Variants in FER observed in about 807,000 individuals in gnomAD.
FER encodes the protein FER tyrosine kinase.
FER carries 63 observed loss-of-function variants against 111.0 expected under a neutral mutation model. That is an observed-to-expected ratio of 0.57 (90% confidence interval 0.46 to 0.70). The LOEUF (loss-of-function observed/expected upper bound fraction) is 0.70, where lower values mean the gene tolerates loss of function less well. Among genes scored for constraint, FER ranks in the 30% least tolerant of loss-of-function variants. FER has a pLI of 0.00. For missense variants in FER, 914 were observed against 954.0 expected (o/e 0.96, Z 0.55); for synonymous variants, 327 against 313.9 (o/e 1.04, Z -0.44).
chr5:109,100,829 T>C lies in FER; in HGVS notation c.2048+310T>C, dbSNP rs143993460. Among the ~76,000 whole-genome samples, 51 of 151,678 alleles carry C rather than the reference T, an allele frequency of 3.4e-4. No homozygotes were observed. The East Asian group carries it at 9.5e-3, about 28-fold the overall frequency. On this transcript the variant is annotated intron_variant, in intron 17 of 19. Transcript: ENST00000281092. ...AGTAATATAAGAAACTACAGCCTTA[T>C]AATCAGATAAGATTGTTTCATGTGT...
At chr5:109,030,294 A>G (rs886582665) in intron 13 of FER, among the ~76,000 whole-genome samples, 2 of 152,202 alleles carry the variant, frequency 1.3e-5, no homozygotes, top group African/African-American at 2.4e-5. Context: ...TAATTCCAAC[A>G]TCAGATCCAT....
At chr5:108,763,929 GT>G (rs1467258583) in intron 1 of FER, among the ~76,000 whole-genome samples, 1 of 152,146 alleles carries the variant, frequency 6.6e-6, no homozygotes, top group Non-Finnish European at 1.5e-5. Context: ...TCATCTTTCA[GT>G]TTAGCAACCT....
intron 13 of FER, among the ~76,000 whole-genome samples, chr5:109,008,869 G>A (rs966236888): frequency 6.6e-6 from 1 of 151,876 alleles, no homozygotes; most frequent in African/African-American, 2.4e-5. Context: ...GCTCGGGAGG[G>A]TGAGGCAGGA....
chr5:109,027,372 C>T (rs2149848172), intron 13 of FER, among the ~76,000 whole-genome samples: 1 of 152,174 alleles, frequency 6.6e-6, no homozygotes, highest in South Asian at 2.1e-4. Flanking sequence ...AAAAATATAA[C>T]TTCAGTCACA....
chr5:108,877,722 G>A (rs1051990065), intron 8 of FER, among the ~76,000 whole-genome samples: 1 of 152,090 alleles, frequency 6.6e-6, no homozygotes, highest in East Asian at 1.9e-4. Context: ...TTTCAGCATT[G>A]CAAATTTCAT....
intron 13 of FER, among the ~76,000 whole-genome samples, chr5:108,980,336 T>G (rs1408407202): frequency 6.6e-6 from 1 of 152,008 alleles, no homozygotes; most frequent in Admixed American, 6.6e-5. Flanking sequence ...TCTAAAATCT[T>G]AGAAAAAGAG....
In FER at chr5:108,889,833, A is replaced by T. The variant is rs1490483169; in HGVS notation, c.1046+6315A>T. Among the ~76,000 whole-genome samples the T allele has an allele frequency of 7.9e-5, 12 of 151,876 alleles. No individual in the cohort carries two copies. The East Asian group carries it at 2.3e-3, about 29-fold the overall frequency. ...AAAATAAAAAATGAAAAAATTCCTC[A>T]CCTCACCAGAGGAAGCGTGATGTAG... On this transcript the variant is annotated intron_variant, in intron 9 of 19. Coordinates refer to ENST00000281092, the MANE Select transcript of FER (RefSeq NM_005246.4).
At chr5:108,887,286 A>T (rs535712737) in intron 9 of FER, among the ~76,000 whole-genome samples, 7 of 151,772 alleles carry the variant, frequency 4.6e-5, no homozygotes, top group Non-Finnish European at 8.9e-5. Flanking sequence ...CCACATTTTT[A>T]TAATTTGAAT....
chr5:109,192,689 G>C lies in FER; in HGVS notation c.*5114G>C, dbSNP rs1330464032. 1 of 152,112 alleles carries C rather than the reference G, an allele frequency of 6.6e-6. No individual in the cohort carries two copies. Among genetic ancestry groups the C allele is most frequent in the African/African-American group, 2.4e-5 (1 of 41,436 alleles). 9.4% of individuals were successfully genotyped at this position (152,112 alleles called of 1,614,324 possible). On this transcript the variant is annotated 3_prime_UTR_variant, in exon 20 of 20. Coordinates refer to ENST00000281092, the MANE Select transcript of FER (RefSeq NM_005246.4). Reference sequence around the variant, plus strand: ...ACAGTGAGGCTTAACCTGGGCTAAAGTCTCCTAAATGGGACTACACTTAGA... The same window carrying C: ...ACAGTGAGGCTTAACCTGGGCTAAACTCTCCTAAATGGGACTACACTTAGA...
intron 16 of FER, among the ~76,000 whole-genome samples, chr5:109,058,132 A>T (rs1773879862): frequency 1.3e-5 from 2 of 152,136 alleles, no homozygotes; most frequent in South Asian, 2.1e-4. Flanking sequence ...GCAGAAAAAA[A>T]CATTTGGCAA....
At position 108,883,456 on chromosome 5, in the gene FER, G is replaced by A. The variant is rs1164024482; in HGVS notation, c.984G>A (p.Glu328=). The change falls in exon 9 of 20, where the codon GAG becomes GAA. Residue 328 remains glutamate (E), a synonymous_variant. Transcript: ENST00000281092. The part of the protein sequence containing the change: ...QTQQMLLNKE[E]AVLELEKRIE... ...AGCAGATGCTTTTAAACAAGGAGGA[G>A]GCTGTTTTGGAGTTAGAGAAGAGAA... 6.2e-7 allele frequency: 1 copy of A among 1,608,666 alleles called. No individual in the cohort carries two copies. The highest frequency in any genetic ancestry group is 8.5e-7 in the Non-Finnish European group (1 of 1,176,672).
rs543183594 is a variant in FER at position 109,104,072 on chromosome 5, T to G, written c.2048+3553T>G. Among the ~76,000 whole-genome samples the G allele has an allele frequency of 7.9e-5, 12 of 152,302 alleles. No homozygotes were observed. In the East Asian group the frequency reaches 2.3e-3, roughly 29 times the overall value. Reference sequence around the variant, plus strand: ...CATTGTCAATATCAGAAAAGATATATTTTGGAGGGGTTAGGTAGAATATGA... The same window carrying G: ...CATTGTCAATATCAGAAAAGATATAGTTTGGAGGGGTTAGGTAGAATATGA... On this transcript the variant is annotated intron_variant, in intron 17 of 19. Transcript: ENST00000281092.
At chr5:108,975,573 AT>A (rs916041524) in intron 13 of FER, among the ~76,000 whole-genome samples, 49 of 152,266 alleles carry the variant, frequency 3.2e-4, no homozygotes, top group African/African-American at 9.9e-4. Context: ...GCAACAGGAA[AT>A]TTTGAATGGT....
chr5:108,959,056 T>C (rs893551212), intron 12 of FER, among the ~76,000 whole-genome samples, 169 bp from the exon 13 acceptor site: 1 of 151,962 alleles, frequency 6.6e-6, no homozygotes. Context: ...TATCTATTTA[T>C]ATTTTTATCA....
chr5:108,804,686 A>T (rs1580634638), intron 3 of FER, among the ~76,000 whole-genome samples: 1 of 152,196 alleles, frequency 6.6e-6, no homozygotes, highest in African/African-American at 2.4e-5. Context: ...AATGAAGCCT[A>T]TTGGATCATG....
chr5:108,974,166 T>A (rs1270062472), intron 13 of FER, among the ~76,000 whole-genome samples: 1 of 152,210 alleles, frequency 6.6e-6, no homozygotes, highest in African/African-American at 2.4e-5. Context: ...GATACAGTGA[T>A]GACTATGACA....
chr5:108,978,650 C>G (rs1369302874), intron 13 of FER, among the ~76,000 whole-genome samples: 2 of 152,096 alleles, frequency 1.3e-5, no homozygotes, highest in Non-Finnish European at 2.9e-5. Context: ...TTCCTTGATC[C>G]ATTGTGGCAC....
intron 13 of FER, among the ~76,000 whole-genome samples, chr5:108,996,708 T>C (rs1206256028): frequency 6.6e-6 from 1 of 152,214 alleles, no homozygotes; most frequent in African/African-American, 2.4e-5. Flanking sequence ...GCCTCCAGCA[T>C]TGTTCTTTTT....
At chr5:108,785,187 T>C in intron 2 of FER, 1 of 624,422 alleles carries the variant, frequency 1.6e-6, no homozygotes, top group Non-Finnish European at 2.7e-6. Context: ...ACAGGTTATC[T>C]GAACACTGTG....
Sources: gnomAD v4.1 joint callset for allele counts (sites outside exome capture counted in the v4.1 genomes callset) on GRCh38, gnomAD v4.1.1 for gene constraint, MANE v1.5 for transcripts, NCBI Gene and HGNC (gene_info 2026-07-23, HGNC 2026-07-21) for gene names.